POGLUT1: variants seen among roughly 807,000 people sequenced by gnomAD.
POGLUT1 encodes the protein protein O-glucosyltransferase 1, also known as 9630046K23Rik.
POGLUT1 carries 32 observed loss-of-function variants against 61.3 expected under a neutral mutation model. The ratio of observed to expected loss-of-function variants is 0.52; its 90% CI spans 0.39 to 0.70. The LOEUF (loss-of-function observed/expected upper bound fraction) is 0.70, where lower values mean the gene tolerates loss of function less well. POGLUT1 is among the 30% of genes least tolerant of loss of function. The probability of loss-of-function intolerance (pLI) is 0.00; values close to 1 mark genes in which losing one functional copy is unlikely to be tolerated. For missense variants in POGLUT1, 411 were observed against 469.8 expected, an observed-to-expected ratio of 0.87 and a Z score of 1.16; for synonymous variants, 158 against 158.2, an observed-to-expected ratio of 1.00 and a Z score of 0.01.
intron 5 of POGLUT1, among the ~76,000 whole-genome samples, chr3:119,482,297 C>T (rs6780684): frequency 0.5 from 76,651 of 152,086 alleles, 20,303 homozygotes; most frequent in African/African-American, 0.67. Flanking sequence ...ATGTATAACT[C>T]AGGCAACTTT....
At chr3:119,480,741 CTT>C (rs549105221) in intron 5 of POGLUT1, among the ~76,000 whole-genome samples, 64 of 138,158 alleles carry the variant, frequency 4.6e-4, no homozygotes, top group Admixed American at 5.1e-4. Context: ...ATTTTTCTTT[CTT>C]TTTTTTTTTT....
chr3:119,469,512 T>A (rs2081442005), intron 1 of POGLUT1, among the ~76,000 whole-genome samples: 1 of 152,226 alleles, frequency 6.6e-6, no homozygotes, highest in Admixed American at 6.5e-5. Context: ...ACTGATCCTC[T>A]TTGTGGAGTT....
chr3:119,483,377 A>G (rs1015857657), intron 5 of POGLUT1, among the ~76,000 whole-genome samples: 1 of 152,214 alleles, frequency 6.6e-6, no homozygotes, highest in Non-Finnish European at 1.5e-5. Flanking sequence ...TCGTGCATGA[A>G]TGGAAAGGCA....
intron 5 of POGLUT1, among the ~76,000 whole-genome samples, chr3:119,481,042 T>G (rs2081600764): frequency 6.6e-6 from 1 of 152,190 alleles, no homozygotes; most frequent in Non-Finnish European, 1.5e-5. Context: ...GCTCAGTCAG[T>G]ATTTTCAATT....
rs2081786753 is a variant in POGLUT1, at chr3:119,494,118, A to G, written c.*1680A>G. Reference sequence around the variant, plus strand: ...ACTCCTTTCATTCATTCCTCCAGGCAGTAAGGGGCTACCATAGTACTTTGT... The same window carrying G: ...ACTCCTTTCATTCATTCCTCCAGGCGGTAAGGGGCTACCATAGTACTTTGT... On this transcript the variant is annotated 3_prime_UTR_variant, in exon 11 of 11. Coordinates refer to ENST00000295588, the MANE Select transcript of POGLUT1 (RefSeq NM_152305.3). 6.6e-6 allele frequency: 1 copy of G among 152,210 alleles called. No homozygotes were observed. The highest frequency in any genetic ancestry group is 2.4e-5 in the African/African-American group (1 of 41,436). 9.4% of individuals were successfully genotyped at this position (152,210 alleles called of 1,614,324 possible). A position where few individuals can be genotyped will look rare whatever the true frequency, so the allele number is the denominator to read the frequency against.
chr3:119,481,796 A>G (rs1196532346), intron 5 of POGLUT1, among the ~76,000 whole-genome samples: 1 of 152,188 alleles, frequency 6.6e-6, no homozygotes, highest in Non-Finnish European at 1.5e-5. Context: ...TTCCAAGTGC[A>G]TTATCCAACC....
chr3:119,491,841 G>T (rs2081750775), intron 10 of POGLUT1, among the ~76,000 whole-genome samples: 1 of 152,086 alleles, frequency 6.6e-6, no homozygotes, highest in African/African-American at 2.4e-5. Context: ...GATCACCTGA[G>T]GTCAGAAGTT....
intron 3 of POGLUT1, among the ~76,000 whole-genome samples, chr3:119,473,213 C>A (rs1348591844): frequency 6.6e-6 from 1 of 152,102 alleles, no homozygotes; most frequent in African/African-American, 2.4e-5. Context: ...ATAATAGAGA[C>A]TTTAAGTACA....
At chr3:119,469,995 A>G (rs2081451073) in intron 2 of POGLUT1, 85 bp downstream of exon 2, 2 of 832,554 alleles carry the variant, frequency 2.4e-6, no homozygotes, top group East Asian at 2.4e-5. Flanking sequence ...TTTTGGTTGC[A>G]GTGGTCAGAA....
chr3:119,485,208 C>T (rs2081650952), intron 5 of POGLUT1, 120 bp from the exon 6 acceptor site: 1 of 629,136 alleles, frequency 1.6e-6, no homozygotes, highest in South Asian at 2.1e-5. Flanking sequence ...CAGTGCGAGA[C>T]TCCGTCTCAA....
chr3:119,474,628 G>A (rs1395913726), intron 3 of POGLUT1, among the ~76,000 whole-genome samples: 3 of 152,176 alleles, frequency 2.0e-5, no homozygotes, highest in Admixed American at 6.5e-5. Flanking sequence ...TTGAGGTCAG[G>A]AGTTCGAGAT....
intron 3 of POGLUT1, among the ~76,000 whole-genome samples, chr3:119,473,875 G>T (rs181015845): frequency 3.3e-5 from 5 of 152,160 alleles, no homozygotes; most frequent in African/African-American, 1.2e-4. Flanking sequence ...TCGTCAGGCT[G>T]GTCTCAAACT....
At chr3:119,479,025 A>C (rs1487872000) in intron 4 of POGLUT1, among the ~76,000 whole-genome samples, 5 of 152,114 alleles carry the variant, frequency 3.3e-5, no homozygotes, top group Non-Finnish European at 7.4e-5. Context: ...CCCAGGTTCA[A>C]GTGATTCTCC....
At chr3:119,473,500 C>T (rs1477132641) in intron 3 of POGLUT1, among the ~76,000 whole-genome samples, 1 of 152,100 alleles carries the variant, frequency 6.6e-6, no homozygotes, top group Non-Finnish European at 1.5e-5. Context: ...ACTGAAAGTT[C>T]CCTATCCTAG....
At chr3:119,487,787 C>A (rs1031956958) in intron 7 of POGLUT1, among the ~76,000 whole-genome samples, 3 of 151,752 alleles carry the variant, frequency 2.0e-5, no homozygotes, top group African/African-American at 7.3e-5. Flanking sequence ...GTTTGCCAAC[C>A]CCTGGTTTAA....
Position 119,482,558 on chromosome 3 carries a change from G to A in POGLUT1, c.578+2386G>A, listed in dbSNP as rs148193388. Among the ~76,000 whole-genome samples, 42 of 152,258 alleles carry A rather than the reference G, an allele frequency of 2.8e-4. No individual in the cohort carries two copies. In the East Asian group the frequency reaches 7.7e-3, roughly 28 times the overall value. On this transcript the variant is annotated intron_variant, in intron 5 of 10. Coordinates refer to ENST00000295588, the MANE Select transcript of POGLUT1 (RefSeq NM_152305.3). ...TTTTAGGCAGATAGAATGTTTTAAA[G>A]TCTAATCTTATATGAATACTTTTTT...
Position 119,492,815 on chromosome 3 carries a change from C to CAA in POGLUT1, c.*378_*379insAA, listed in dbSNP as rs1162842381. 1 of 154,258 alleles carries CAA rather than the reference C, an allele frequency of 6.5e-6. No individual in the cohort carries two copies. Among genetic ancestry groups the CAA allele is most frequent in the Non-Finnish European group, 1.4e-5 (1 of 69,254 alleles). 9.6% of individuals were successfully genotyped at this position (154,258 alleles called of 1,614,324 possible). On this transcript the variant is annotated 3_prime_UTR_variant, in exon 11 of 11. Coordinates refer to ENST00000295588, the MANE Select transcript of POGLUT1 (RefSeq NM_152305.3). ...ATGCCCTTTGTCCCATTATTTGGAGCAGAAAATTCGTCATTTGGAAGTAGT... is the reference window on the plus strand; with the variant it reads ...ATGCCCTTTGTCCCATTATTTGGAGCAAAGAAAATTCGTCATTTGGAAGTAGT...
intron 3 of POGLUT1, 145 bp downstream of exon 3, chr3:119,471,597 C>T (rs139865882): frequency 2.6e-6 from 2 of 760,830 alleles, no homozygotes; most frequent in African/African-American, 1.8e-5. Context: ...GAGCTCTTCT[C>T]CTTGCCTGGG....
rs145303917 is a variant in POGLUT1, at chr3:119,477,693, C to T, written c.456+245C>T. On this transcript the variant is annotated intron_variant, in intron 4 of 10. Coordinates refer to ENST00000295588, the MANE Select transcript of POGLUT1 (RefSeq NM_152305.3). ...ATAGGGCTAGAGATGGAGGCTAGGGCGTGAGAGGCCTGAGAAACCTACAGG... is the reference window on the plus strand; with the variant it reads ...ATAGGGCTAGAGATGGAGGCTAGGGTGTGAGAGGCCTGAGAAACCTACAGG... 4.1e-4 allele frequency among the ~76,000 whole-genome samples: 62 copies of T among 152,186 alleles called. No individual in the cohort carries two copies. The East Asian group carries it at 0.012, about 28-fold the overall frequency.
Sources: allele counts gnomAD v4.1 joint callset (sites outside exome capture counted in the v4.1 genomes callset), GRCh38; gene constraint gnomAD v4.1.1; transcripts MANE v1.5; gene names NCBI Gene and HGNC (gene_info 2026-07-23, HGNC 2026-07-21).